Variants in PHTF2 observed in about 807,000 individuals in gnomAD.
PHTF2 encodes the protein putative homeodomain transcription factor 2.
PHTF2 carries 60 observed loss-of-function variants against 101.2 expected under a neutral mutation model. That is an observed-to-expected ratio of 0.59 (90% CI 0.48 to 0.73). The LOEUF is 0.73. PHTF2 is among the 30% of genes least tolerant of loss of function. PHTF2 has a pLI of 0.00. For missense variants in PHTF2, 747 were observed against 908.7 expected (o/e 0.82, Z 2.29); for synonymous variants, 311 against 307.3 (o/e 1.01, Z -0.13).
intron 1 of PHTF2, among the ~76,000 whole-genome samples, chr7:77,805,543 T>C (rs1020262218): frequency 2.0e-5 from 3 of 152,232 alleles, no homozygotes; most frequent in Non-Finnish European, 4.4e-5. Flanking sequence ...AGTGTTTAAT[T>C]CTATAAAATT....
chr7:77,914,517 G>A (rs972585766), intron 9 of PHTF2, among the ~76,000 whole-genome samples: 3 of 152,094 alleles, frequency 2.0e-5, no homozygotes, highest in African/African-American at 4.8e-5. Context: ...GGCCTTCTTC[G>A]AGGTCCTTCC....
At chr7:77,895,272 G>T (rs1584628078) in intron 5 of PHTF2, 1 of 361,824 alleles carries the variant, frequency 2.8e-6, no homozygotes, top group East Asian at 9.1e-5. Flanking sequence ...GTAGATTTCT[G>T]TTGAATGATG....
At chr7:77,875,265 T>C (rs1010250976) in intron 3 of PHTF2, among the ~76,000 whole-genome samples, 1 of 152,184 alleles carries the variant, frequency 6.6e-6, no homozygotes, top group Admixed American at 6.5e-5. Flanking sequence ...ATCAGTGTTT[T>C]GTAGTTTTCT....
chr7:77,900,353 T>C (rs1584644569), intron 5 of PHTF2, among the ~76,000 whole-genome samples: 1 of 152,144 alleles, frequency 6.6e-6, no homozygotes, highest in Non-Finnish European at 1.5e-5. Flanking sequence ...GGGCTGCTGC[T>C]CCCCTAGCTA....
chr7:77,921,081 TG>T (rs1803416731), intron 10 of PHTF2, among the ~76,000 whole-genome samples: 1 of 152,246 alleles, frequency 6.6e-6, no homozygotes. Context: ...TTGCACTAAG[TG>T]GAACATGCGA....
At chr7:77,854,576 C>G (rs971653374) in intron 2 of PHTF2, among the ~76,000 whole-genome samples, 2 of 152,186 alleles carry the variant, frequency 1.3e-5, no homozygotes, top group Non-Finnish European at 2.9e-5. Flanking sequence ...CCCCCCAACC[C>G]CAGCCCAGGG....
At chr7:77,943,189 C>T (rs971381771) in intron 16 of PHTF2, among the ~76,000 whole-genome samples, 8 of 152,148 alleles carry the variant, frequency 5.3e-5, no homozygotes, top group Non-Finnish European at 8.8e-5. Flanking sequence ...GGCGCGATCT[C>T]GGCTCACTGC....
chr7:77,858,551 C>G (rs1355418265), intron 3 of PHTF2, among the ~76,000 whole-genome samples: 3 of 151,508 alleles, frequency 2.0e-5, no homozygotes. Flanking sequence ...ACCGAAGAGA[C>G]TTTGATGTAA....
chr7:77,927,727 A>G (rs1804193146), intron 11 of PHTF2, among the ~76,000 whole-genome samples: 1 of 152,202 alleles, frequency 6.6e-6, no homozygotes, highest in South Asian at 2.1e-4. Flanking sequence ...TTAATTTTTA[A>G]CAGCTTTTTA....
At chr7:77,835,807 AG>A (rs1189654547) in intron 1 of PHTF2, among the ~76,000 whole-genome samples, 1 of 152,108 alleles carries the variant, frequency 6.6e-6, no homozygotes, top group Non-Finnish European at 1.5e-5. Context: ...CTAGAGAAAA[AG>A]TGTTATTAAA....
intron 1 of PHTF2, among the ~76,000 whole-genome samples, chr7:77,812,436 T>G (rs1041959605): frequency 3.3e-5 from 5 of 152,196 alleles, no homozygotes; most frequent in African/African-American, 1.2e-4. Flanking sequence ...TTACATAATT[T>G]GTGTGTACTG....
intron 9 of PHTF2, among the ~76,000 whole-genome samples, chr7:77,912,842 C>A (rs1288037102): frequency 6.7e-6 from 1 of 149,418 alleles, no homozygotes; most frequent in Non-Finnish European, 1.5e-5. Context: ...AGGTGATTCT[C>A]CCACTTCAGA....
Position 77,891,417 on chromosome 7 carries a change from TACC to T in PHTF2, c.148-2189_148-2187del, listed in dbSNP as rs532601006. On this transcript the variant is annotated intron_variant, in intron 3 of 19. Coordinates refer to ENST00000416283, the Ensembl canonical transcript of PHTF2. ...GCAACTAGTCACCGCAGGTCACCTC[TACC>T]ATTAGGACTAACCAGTTGGTTGTTG... Among the ~76,000 whole-genome samples, 1,298 of 152,258 alleles carry T rather than the reference TACC, an allele frequency of 8.5e-3. 20 individuals are homozygous for T. The highest frequency in any genetic ancestry group is 0.029 in the African/African-American group (1,224 of 41,536).
intron 19 of PHTF2, among the ~76,000 whole-genome samples, chr7:77,954,127 A>C (rs974576973): frequency 1.3e-5 from 2 of 151,980 alleles, no homozygotes; most frequent in African/African-American, 4.8e-5. Flanking sequence ...AAGTAGAAGT[A>C]TTTGGTTTTT....
intron 1 of PHTF2, among the ~76,000 whole-genome samples, chr7:77,818,362 GTTTTC>G (rs1436910195): frequency 6.6e-6 from 1 of 152,094 alleles, no homozygotes; most frequent in African/African-American, 2.4e-5. Context: ...CATTTCTGCT[GTTTTC>G]TTTTAATAGT....
exon 20 of PHTF2, chr7:77,955,772 A>G (rs1199021102): frequency 6.6e-6 from 1 of 152,490 alleles, no homozygotes; most frequent in African/African-American, 2.4e-5. Flanking sequence ...CCCATGGTAC[A>G]CTCTAGTGTA....
At chr7:77,862,443 T>A (rs1022879618) in intron 3 of PHTF2, among the ~76,000 whole-genome samples, 1 of 152,224 alleles carries the variant, frequency 6.6e-6, no homozygotes, top group African/African-American at 2.4e-5. Flanking sequence ...CATTTGCTTA[T>A]GACTTTTTTT....
chr7:77,913,839 A>T lies in PHTF2; in HGVS notation c.776+3430A>T, dbSNP rs139069236. 2.1e-4 allele frequency among the ~76,000 whole-genome samples: 32 copies of T among 152,310 alleles called. 1 individual carries two copies. In the East Asian group the frequency reaches 6.2e-3, roughly 29 times the overall value. Reference sequence around the variant, plus strand: ...AATCTTAAAGGTAGATCAGTCAGGCATATTAGTTAACATGTGATCTGGTTT... The same window carrying T: ...AATCTTAAAGGTAGATCAGTCAGGCTTATTAGTTAACATGTGATCTGGTTT... On this transcript the variant is annotated intron_variant, in intron 9 of 19. Transcript: ENST00000416283.
rs548713367 is a variant in PHTF2, at chr7:77,910,044, C to T, written c.612-201C>T. 68 of 479,328 alleles carry T rather than the reference C, an allele frequency of 1.4e-4. No homozygotes were observed. In the East Asian group the frequency reaches 2.3e-3, roughly 16 times the overall value. 29.7% of individuals were successfully genotyped at this position (479,328 alleles called of 1,614,324 possible). On this transcript the variant is annotated intron_variant, in intron 8 of 19. Coordinates refer to ENST00000416283, the Ensembl canonical transcript of PHTF2. ...ACTGACCTGCCACTATAAGCAAGGA[C>T]CAATACCTTAACATTTCTAGAAATT...
Sources: allele counts gnomAD v4.1 joint callset (sites outside exome capture counted in the v4.1 genomes callset), GRCh38; gene constraint gnomAD v4.1.1; transcripts MANE v1.5; gene names NCBI Gene and HGNC (gene_info 2026-07-23, HGNC 2026-07-21).